Variants in CA10 observed in about 807,000 individuals in gnomAD.
CA10 encodes carbonic anhydrase 10 (inactive).
In CA10, 14 loss-of-function variants were observed where a neutral mutation model predicts 44.2. The ratio of observed to expected loss-of-function variants is 0.32; its 90% CI spans 0.21 to 0.50. The LOEUF (loss-of-function observed/expected upper bound fraction) is 0.50, where lower values mean the gene tolerates loss of function less well. Ranked by LOEUF, CA10 falls within the 20% of genes least tolerant of loss-of-function variation. The pLI is 0.99. For missense variants in CA10, 350 were observed against 409.7 expected (o/e 0.85, Z 1.26); for synonymous variants, 159 against 141.6 (o/e 1.12, Z -0.87).
chr17:51,835,476 A>T (rs1007895028), intron 3 of CA10, among the ~76,000 whole-genome samples: 3 of 152,244 alleles, frequency 2.0e-5, no homozygotes, highest in African/African-American at 7.2e-5. Flanking sequence ...TGCCACTGCC[A>T]TTCAGCAATC....
At position 52,008,692 on chromosome 17, in the gene CA10, T is replaced by C. The variant is rs143362117; in HGVS notation, c.136+63627A>G. Among the ~76,000 whole-genome samples, 12 of 152,048 alleles carry C rather than the reference T, an allele frequency of 7.9e-5. 1 individual carries two copies. Among genetic ancestry groups the C allele is most frequent in the East Asian group, 3.9e-4 (2 of 5,132 alleles). On this transcript the variant is annotated intron_variant, in intron 2 of 8. Transcript: ENST00000451037. The stretch of plus-strand genomic sequence containing the variant: ...AAGATAACCTCAGTCTCAAGTGTCA[T>C]GTAGATCTTAGATACATAAAGTTCT...
chr17:52,038,237 G>A (rs1256145661), intron 2 of CA10, among the ~76,000 whole-genome samples: 1 of 152,156 alleles, frequency 6.6e-6, no homozygotes, highest in Non-Finnish European at 1.5e-5. Context: ...AGAGGATGTG[G>A]GAGAGGGGAC....
intron 3 of CA10, among the ~76,000 whole-genome samples, chr17:51,923,591 C>T (rs1982314288): frequency 6.6e-6 from 1 of 152,102 alleles, no homozygotes; most frequent in Admixed American, 6.6e-5. Flanking sequence ...TAAGAGGTTT[C>T]AGAACATAGC....
chr17:51,699,218 G>A (rs1360453748), intron 4 of CA10, among the ~76,000 whole-genome samples: 4 of 151,864 alleles, frequency 2.6e-5, no homozygotes, highest in Non-Finnish European at 5.9e-5. Flanking sequence ...AGCTACTTGG[G>A]AGGCTGAGGC....
intron 3 of CA10, among the ~76,000 whole-genome samples, chr17:51,793,480 G>T (rs1047881397): frequency 7.2e-5 from 11 of 152,140 alleles, no homozygotes; most frequent in Middle Eastern, 3.2e-3. Context: ...TCTTTAATTT[G>T]CTAAAAACTT....
intron 3 of CA10, among the ~76,000 whole-genome samples, chr17:51,849,225 A>ATGTG (rs201096877): frequency 1.7e-4 from 5 of 29,832 alleles, no homozygotes; most frequent in Non-Finnish European, 2.6e-4. Flanking sequence ...ATATACATAT[A>ATGTG]TGTGTGTGTA....
At chr17:52,109,148 G>A (rs1988736970) in intron 1 of CA10, among the ~76,000 whole-genome samples, 1 of 151,962 alleles carries the variant, frequency 6.6e-6, no homozygotes, top group African/African-American at 2.4e-5. Context: ...GAGTCATAGG[G>A]GCATTACACT....
chr17:51,748,281 G>A (rs1406932839), intron 3 of CA10: 1 of 159,646 alleles, frequency 6.3e-6, no homozygotes, highest in Non-Finnish European at 1.4e-5. Context: ...GAGATGGAAA[G>A]CCTAGGTCTG....
At chr17:51,921,437 A>G (rs1349526155) in intron 3 of CA10, among the ~76,000 whole-genome samples, 2 of 152,220 alleles carry the variant, frequency 1.3e-5, no homozygotes, top group African/African-American at 4.8e-5. Context: ...GAAAAGGTAC[A>G]TTTAAAATCA....
At chr17:51,652,472 CCT>C (rs1157617332) in intron 5 of CA10, among the ~76,000 whole-genome samples, 1 of 152,216 alleles carries the variant, frequency 6.6e-6, no homozygotes, top group African/African-American at 2.4e-5. Context: ...AATGTCCCTT[CCT>C]CTCTTTGTTA....
At chr17:51,854,504 G>T (rs1978948689) in intron 3 of CA10, among the ~76,000 whole-genome samples, 1 of 152,172 alleles carries the variant, frequency 6.6e-6, no homozygotes, top group Non-Finnish European at 1.5e-5. Context: ...AGTTTTGTGG[G>T]TAGCTCCCCT....
chr17:51,917,742 T>G (rs1410477242), intron 3 of CA10, among the ~76,000 whole-genome samples: 1 of 152,182 alleles, frequency 6.6e-6, no homozygotes, highest in African/African-American at 2.4e-5. Flanking sequence ...CAACCATTCA[T>G]GGGAAATCCA....
chr17:51,839,727 A>T (rs974368007), intron 3 of CA10, among the ~76,000 whole-genome samples: 17 of 152,108 alleles, frequency 1.1e-4, no homozygotes, highest in African/African-American at 3.9e-4. Context: ...AACTAAAATA[A>T]ACCAAAATCC....
chr17:51,823,997 A>C (rs1907916208), intron 3 of CA10, among the ~76,000 whole-genome samples: 1 of 152,162 alleles, frequency 6.6e-6, no homozygotes, highest in African/African-American at 2.4e-5. Context: ...ATTTACCATA[A>C]CTAGGCTACA....
At chr17:51,789,589 A>G (rs1029834543) in intron 3 of CA10, among the ~76,000 whole-genome samples, 2 of 150,982 alleles carry the variant, frequency 1.3e-5, no homozygotes, top group African/African-American at 4.9e-5. Flanking sequence ...TGTGCTCATG[A>G]TACTCCCTCA....
At chr17:52,004,038 C>T (rs1044266530) in intron 2 of CA10, among the ~76,000 whole-genome samples, 6 of 151,754 alleles carry the variant, frequency 4.0e-5, no homozygotes, top group African/African-American at 1.5e-4. Flanking sequence ...GCTGCTTCCT[C>T]GTTACATTAA....
intron 2 of CA10, among the ~76,000 whole-genome samples, chr17:52,040,145 CTTTTTT>C (rs200635464): frequency 2.9e-5 from 4 of 139,056 alleles, no homozygotes; most frequent in Non-Finnish European, 6.2e-5. Flanking sequence ...TCTTTTTTTT[CTTTTTT>C]TTTTTTTTGG....
intron 4 of CA10, among the ~76,000 whole-genome samples, chr17:51,722,366 G>A (rs981957030): frequency 1.3e-5 from 2 of 152,004 alleles, no homozygotes; most frequent in Non-Finnish European, 2.9e-5. Flanking sequence ...CCAACATTAA[G>A]GTCCATTGCA....
intron 1 of CA10, among the ~76,000 whole-genome samples, chr17:52,136,924 G>A (rs1287911959): frequency 6.6e-6 from 1 of 152,096 alleles, no homozygotes; most frequent in Admixed American, 6.6e-5. Context: ...TACCTCAGTT[G>A]TAAAATAATG....
Sources: allele counts gnomAD v4.1 joint callset (sites outside exome capture counted in the v4.1 genomes callset), GRCh38; gene constraint gnomAD v4.1.1; transcripts MANE v1.5; gene names NCBI Gene and HGNC (gene_info 2026-07-23, HGNC 2026-07-21).